The following ALCAM variants were observed in gnomAD, a reference collection of about 807,000 sequenced individuals.
The protein encoded by ALCAM is activated leukocyte cell adhesion molecule, also known as CD166 antigen.
Under a neutral mutation model 70.9 loss-of-function variants are expected in ALCAM, and 30 were observed. That is an observed-to-expected ratio of 0.42 (90% CI 0.32 to 0.57). The LOEUF (loss-of-function observed/expected upper bound fraction) is 0.57. Among genes scored for constraint, ALCAM ranks in the 20% least tolerant of loss-of-function variants. The probability of loss-of-function intolerance (pLI) is 0.11; values close to 1 mark genes in which losing one functional copy is unlikely to be tolerated. For synonymous variants in ALCAM, 249 were observed against 242.5 expected (o/e 1.03, Z -0.25); for missense variants, 591 against 695.1 (o/e 0.85, Z 1.68).
Position 105,402,938 on chromosome 3 carries a change from C to CTTCTTTTTTTTTTTTTTTTTTTTTT in ALCAM, c.73+35459_73+35460insCTTTTTTTTTTTTTTTTTTTTTTTT, listed in dbSNP as rs1936124536. On this transcript the variant is annotated intron_variant, in intron 1 of 15. Transcript: ENST00000306107. ...TCTCTATAGGATTGCAGCTGATGCG[C>CTTCTTTTTTTTTTTTTTTTTTTTTT]TTTTTTTTTTTTTTTTTTTTTTTCT... Among the ~76,000 whole-genome samples, 4 of 117,254 alleles carry CTTCTTTTTTTTTTTTTTTTTTTTTT rather than the reference C, an allele frequency of 3.4e-5. 1 individual carries two copies. The highest frequency in any genetic ancestry group is 3.1e-5 in the African/African-American group (1 of 31,756). 76.9% of individuals were successfully genotyped at this position (117,254 alleles called of 152,430 possible).
chr3:105,506,352 G>T (rs1403452189), intron 1 of ALCAM, among the ~76,000 whole-genome samples: 2 of 152,164 alleles, frequency 1.3e-5, no homozygotes. Context: ...ACTCAGGTGG[G>T]AATGAACTTG....
At chr3:105,543,044 T>C (rs1940161716) in intron 8 of ALCAM, among the ~76,000 whole-genome samples, 1 of 151,776 alleles carries the variant, frequency 6.6e-6, no homozygotes. Context: ...TAGCTAGCTC[T>C]CTATTATCAT....
chr3:105,526,713 T>C (rs1939714738), intron 3 of ALCAM, among the ~76,000 whole-genome samples: 1 of 152,138 alleles, frequency 6.6e-6, no homozygotes, highest in South Asian at 2.1e-4. Flanking sequence ...GTTTGTTTTT[T>C]TGTTTTGTTT....
Position 105,389,398 on chromosome 3 carries a change from T to TTC in ALCAM, c.73+21917_73+21918insTC, listed in dbSNP as rs1553718636. Among the ~76,000 whole-genome samples the TTC allele has an allele frequency of 3.6e-3, 461 of 127,868 alleles. 17 individuals carry two copies. The highest frequency in any genetic ancestry group is 6.2e-3 in the East Asian group (23 of 3,700). 83.9% of individuals were successfully genotyped at this position (127,868 alleles called of 152,430 possible). On this transcript the variant is annotated intron_variant, in intron 1 of 15. Coordinates refer to ENST00000306107, the MANE Select transcript of ALCAM (RefSeq NM_001627.4). ...TTTTTTTTTTTTTTTTTTTTTTTTT[T>TTC]CTAAAAAACACACAGGAACCTTAAT... is the stretch of plus-strand genomic sequence containing the variant.
At chr3:105,442,829 C>A (rs1214862575) in intron 1 of ALCAM, among the ~76,000 whole-genome samples, 1 of 151,774 alleles carries the variant, frequency 6.6e-6, no homozygotes, top group Non-Finnish European at 1.5e-5. Flanking sequence ...CTGATTCCTT[C>A]AACTTTAAAT....
intron 1 of ALCAM, among the ~76,000 whole-genome samples, chr3:105,374,348 G>A (rs943870590): frequency 6.6e-6 from 1 of 152,068 alleles, no homozygotes; most frequent in Non-Finnish European, 1.5e-5. Flanking sequence ...CTGAGGCCAA[G>A]AGTTCGAGAC....
chr3:105,429,471 T>C (rs1936873155), intron 1 of ALCAM, among the ~76,000 whole-genome samples: 2 of 151,990 alleles, frequency 1.3e-5, no homozygotes, highest in South Asian at 2.1e-4. Context: ...ATTTAAAAAA[T>C]GATGTTCCAC....
At chr3:105,560,786 A>G (rs1376489681) in intron 14 of ALCAM, among the ~76,000 whole-genome samples, 1 of 152,158 alleles carries the variant, frequency 6.6e-6, no homozygotes, top group Admixed American at 6.6e-5. Context: ...TGTTAAAAGG[A>G]CTTCCTTTCA....
intron 1 of ALCAM, among the ~76,000 whole-genome samples, chr3:105,440,454 G>A (rs1937146794): frequency 6.6e-6 from 1 of 152,160 alleles, no homozygotes; most frequent in Non-Finnish European, 1.5e-5. Context: ...TTGAAGAAGG[G>A]AGGATGGACT....
intron 4 of ALCAM, 69 bp from the exon 5 acceptor site, chr3:105,533,534 T>C: frequency 7.1e-7 from 1 of 1,402,450 alleles, no homozygotes; most frequent in East Asian, 2.3e-5. Context: ...ATTGCCTGAG[T>C]TTCTGGAGTT....
At chr3:105,496,830 GTGTGTGTGTGTGTGTGTGTGT>G (rs1938755111) in intron 1 of ALCAM, among the ~76,000 whole-genome samples, 1 of 149,198 alleles carries the variant, frequency 6.7e-6, no homozygotes, top group Admixed American at 6.7e-5. Flanking sequence ...CAATTGAGGT[GTGTGTGTGTGTGTGTGTGTGT>G]GTGTGCATGC....
intron 1 of ALCAM, among the ~76,000 whole-genome samples, chr3:105,517,189 T>C (rs1939405766): frequency 6.6e-6 from 1 of 152,118 alleles, no homozygotes; most frequent in African/African-American, 2.4e-5. Context: ...GATGCAAGCC[T>C]TCAGTCCTTC....
chr3:105,568,063 ATTTT>A (rs71111369), intron 14 of ALCAM, among the ~76,000 whole-genome samples: 2 of 116,954 alleles, frequency 1.7e-5, no homozygotes, highest in South Asian at 5.6e-4. Flanking sequence ...ATTTTATTTT[ATTTT>A]TTTTTTTTTT....
At chr3:105,507,413 G>A (rs1007593647) in intron 1 of ALCAM, among the ~76,000 whole-genome samples, 16 of 152,006 alleles carry the variant, frequency 1.1e-4, no homozygotes, top group Admixed American at 5.9e-4. Context: ...CCTGTTCTCC[G>A]TCTATTCATT....
At chr3:105,386,638 G>A (rs1935662775) in intron 1 of ALCAM, among the ~76,000 whole-genome samples, 1 of 150,476 alleles carries the variant, frequency 6.6e-6, no homozygotes, top group Non-Finnish European at 1.5e-5. Context: ...GTCTAGACTT[G>A]GGCTTGTCAT....
chr3:105,567,053 T>C (rs1940758647), intron 14 of ALCAM, among the ~76,000 whole-genome samples: 2 of 152,194 alleles, frequency 1.3e-5, no homozygotes, highest in Non-Finnish European at 2.9e-5. Context: ...AAACTTTTCC[T>C]TTCAGCATTT....
chr3:105,386,661 A>AAT (rs113319090), intron 1 of ALCAM, among the ~76,000 whole-genome samples: 23,394 of 148,136 alleles, frequency 0.16, 1,976 homozygotes, highest in African/African-American at 0.2. Flanking sequence ...TACCACCATA[A>AAT]ATATATATAT....
chr3:105,531,898 ATTC>A lies in ALCAM; in HGVS notation c.395-99_395-97del, dbSNP rs149673801. 4.5e-4 allele frequency: 410 copies of A among 911,718 alleles called. 1 individual carries two copies. The African/African-American group carries it at 6.1e-3, about 14-fold the overall frequency. 56.5% of individuals were successfully genotyped at this position (911,718 alleles called of 1,614,324 possible). ...GAAATCTATTTTTATTCTGTTGCTT[ATTC>A]TTCTGTATTGAGTAAATGAATTGTT... On this transcript the variant is annotated intron_variant, in intron 3 of 15. Coordinates refer to ENST00000306107, the MANE Select transcript of ALCAM (RefSeq NM_001627.4).
At position 105,452,075 on chromosome 3, in the gene ALCAM, T is replaced by C. The variant is rs1000039234; in HGVS notation, c.74-67992T>C. Among the ~76,000 whole-genome samples, 3 of 151,946 alleles carry C rather than the reference T, an allele frequency of 2.0e-5. 1 individual carries two copies. Among genetic ancestry groups the C allele is most frequent in the Admixed American group, 6.6e-5 (1 of 15,240 alleles). On this transcript the variant is annotated intron_variant, in intron 1 of 15. Coordinates refer to ENST00000306107, the MANE Select transcript of ALCAM (RefSeq NM_001627.4). ...AGATTTCTCCCTTCCAGTATCTTAG[T>C]GAAATAATTTTTTTTCATTTTTTGG... is the stretch of plus-strand genomic sequence containing the variant.
Sources: gnomAD v4.1 joint callset for allele counts (sites outside exome capture counted in the v4.1 genomes callset) on GRCh38, gnomAD v4.1.1 for gene constraint, MANE v1.5 for transcripts, NCBI Gene and HGNC (gene_info 2026-07-23, HGNC 2026-07-21) for gene names.